The following DENND4C variants were observed in gnomAD, a reference collection of about 807,000 sequenced individuals.
DENND4C encodes DENN domain-containing protein 4C.
A neutral mutation model predicts 203.0 loss-of-function variants in DENND4C; 108 were observed. The ratio of observed to expected loss-of-function variants is 0.53; its 90% CI spans 0.46 to 0.62. The LOEUF (loss-of-function observed/expected upper bound fraction) is 0.62. Among genes scored for constraint, DENND4C ranks in the 20% least tolerant of loss-of-function variants. The pLI is 0.00. For missense variants in DENND4C, 2,481 were observed against 2,301.2 expected, an observed-to-expected ratio of 1.08 and a Z score of -1.60; for synonymous variants, 871 against 792.4, an observed-to-expected ratio of 1.10 and a Z score of -1.67.
In DENND4C at chr9:19,357,174, C is replaced by G; in HGVS notation, c.4964+20C>G. 1 of 1,612,636 alleles carries G rather than the reference C, an allele frequency of 6.2e-7. No individual in the cohort carries two copies. Among genetic ancestry groups the G allele is most frequent in the South Asian group, 1.1e-5 (1 of 91,000 alleles). On this transcript the variant is annotated intron_variant, in intron 27 of 32. Transcript: ENST00000434457. ...ACCAAGGTATCAAAGGGTACAGAGA[C>G]CTCTTTATGTAGTAATAAATGGGGT...
chr9:19,250,003 CA>C (rs1263711443), intron 1 of DENND4C, among the ~76,000 whole-genome samples: 1 of 152,102 alleles, frequency 6.6e-6, no homozygotes, highest in Admixed American at 6.5e-5. Flanking sequence ...ATACTGTCTT[CA>C]AAAGTTATAT....
intron 1 of DENND4C, among the ~76,000 whole-genome samples, chr9:19,232,845 A>G (rs1046670105): frequency 2.6e-5 from 4 of 152,220 alleles, no homozygotes; most frequent in Non-Finnish European, 5.9e-5. Context: ...AAGGGATTTT[A>G]CATTATAAAT....
At chr9:19,359,255 T>C (rs1825983540) in intron 28 of DENND4C, among the ~76,000 whole-genome samples, 1 of 151,820 alleles carries the variant, frequency 6.6e-6, no homozygotes, top group South Asian at 2.1e-4. Context: ...ATTAAGTAAT[T>C]AATTTTTAGA....
intron 22 of DENND4C, among the ~76,000 whole-genome samples, chr9:19,342,981 T>C (rs551947084): frequency 3.3e-5 from 5 of 152,132 alleles, no homozygotes; most frequent in Admixed American, 6.5e-5. Context: ...GAGTATTTAG[T>C]GTGTTTGTTA....
intron 2 of DENND4C, among the ~76,000 whole-genome samples, chr9:19,281,180 T>C (rs965026533): frequency 6.6e-6 from 1 of 152,226 alleles, no homozygotes; most frequent in Non-Finnish European, 1.5e-5. Context: ...TACGTAATTA[T>C]ATGTAGGTGC....
chr9:19,235,793 G>A (rs1257409946), intron 1 of DENND4C, among the ~76,000 whole-genome samples: 1 of 151,898 alleles, frequency 6.6e-6, no homozygotes, highest in Admixed American at 6.6e-5. Context: ...CGTATTTTTA[G>A]TAGAGATGGG....
chr9:19,285,738 T>C (rs1835075186), intron 2 of DENND4C, among the ~76,000 whole-genome samples: 1 of 152,106 alleles, frequency 6.6e-6, no homozygotes, highest in Admixed American at 6.6e-5. Flanking sequence ...TTTTGATGAG[T>C]AGTATAAGGA....
intron 1 of DENND4C, among the ~76,000 whole-genome samples, chr9:19,234,356 G>C (rs1045689945): frequency 2.0e-5 from 3 of 151,234 alleles, no homozygotes; most frequent in Non-Finnish European, 2.9e-5. Context: ...TCACCCTCCC[G>C]AGTAGCTGGG....
rs774444307 is a variant in DENND4C at position 19,356,956 on chromosome 9, C to T, written c.4782-16C>T. On this transcript the variant is annotated splice_polypyrimidine_tract_variant and intron_variant, in intron 26 of 32. Coordinates refer to ENST00000434457, the MANE Select transcript of DENND4C (RefSeq NM_001330640.2). ...GGATTTTTAAAGGCTCTTTTTCCCC[C>T]CTTTTCCTTATGTAGCTTTTTCCTG... 6 of 1,610,032 alleles carry T rather than the reference C, an allele frequency of 3.7e-6. No individual in the cohort carries two copies. The highest frequency in any genetic ancestry group is 2.2e-5 in the South Asian group (2 of 90,030).
intron 1 of DENND4C, among the ~76,000 whole-genome samples, chr9:19,239,079 TTTC>T (rs1329895618): frequency 2.0e-5 from 3 of 152,158 alleles, no homozygotes; most frequent in Non-Finnish European, 2.9e-5. Context: ...ATATTTATTG[TTTC>T]TTGTTTATTT....
intron 2 of DENND4C, among the ~76,000 whole-genome samples, chr9:19,282,349 G>A (rs1398886989): frequency 6.6e-6 from 1 of 150,846 alleles, no homozygotes; most frequent in Non-Finnish European, 1.5e-5. Context: ...TCCACCTCCT[G>A]GGCTCAGGCG....
chr9:19,310,520 C>G (rs934654720), intron 10 of DENND4C, among the ~76,000 whole-genome samples: 1 of 152,214 alleles, frequency 6.6e-6, no homozygotes, highest in Admixed American at 6.5e-5. Flanking sequence ...CTGTATGGTC[C>G]TTAAAGCCTA....
At chr9:19,256,520 G>A (rs1828010753) in intron 1 of DENND4C, among the ~76,000 whole-genome samples, 1 of 151,562 alleles carries the variant, frequency 6.6e-6, no homozygotes, top group Non-Finnish European at 1.5e-5. Context: ...TCTCTGTGTT[G>A]GTTAGGCTGG....
intron 1 of DENND4C, among the ~76,000 whole-genome samples, chr9:19,258,558 T>C (rs909186349): frequency 6.6e-6 from 1 of 152,114 alleles, no homozygotes; most frequent in Non-Finnish European, 1.5e-5. Flanking sequence ...ATCAATGTAA[T>C]TTACCATATT....
intron 26 of DENND4C, among the ~76,000 whole-genome samples, chr9:19,354,594 G>C (rs1290096538): frequency 2.5e-5 from 3 of 117,742 alleles, no homozygotes; most frequent in Non-Finnish European, 4.8e-5. Flanking sequence ...CACTCTTGTC[G>C]CCCAGGCTGG....
At chr9:19,350,663 A>G in intron 23 of DENND4C, 39 bp from the exon 24 acceptor site, 1 of 1,557,940 alleles carries the variant, frequency 6.4e-7, no homozygotes. Context: ...TGGAGAAGGT[A>G]TTATTTATGT....
At chr9:19,339,310 G>A (rs1042740340) in intron 20 of DENND4C, among the ~76,000 whole-genome samples, 1 of 152,162 alleles carries the variant, frequency 6.6e-6, no homozygotes, top group Non-Finnish European at 1.5e-5. Context: ...TTATCCCAGT[G>A]TTCCTTGTGG....
chr9:19,231,465 C>G (rs960884851), intron 1 of DENND4C, among the ~76,000 whole-genome samples: 2 of 151,956 alleles, frequency 1.3e-5, no homozygotes, highest in Non-Finnish European at 2.9e-5. Context: ...TGACTAAACA[C>G]AAAACCAAGG....
At position 19,316,311 on chromosome 9, in the gene DENND4C, T is replaced by TA; in HGVS notation, c.1488-101dup. On this transcript the variant is annotated intron_variant, in intron 10 of 32. Coordinates refer to ENST00000434457, the MANE Select transcript of DENND4C (RefSeq NM_001330640.2). ...TTGTTTGCATCAGTTAAGACTGTAG[T>TA]AAAAACATCTTTTCCATTTTCTTGT... is the stretch of plus-strand genomic sequence containing the variant. 1.8e-5 allele frequency: 15 copies of TA among 829,584 alleles called. No homozygotes were observed. The South Asian group carries it at 2.6e-4, about 15-fold the overall frequency. 51.4% of individuals were successfully genotyped at this position (829,584 alleles called of 1,614,324 possible).
Sources: allele counts gnomAD v4.1 joint callset (sites outside exome capture counted in the v4.1 genomes callset), GRCh38; gene constraint gnomAD v4.1.1; transcripts MANE v1.5; gene names NCBI Gene and HGNC (gene_info 2026-07-23, HGNC 2026-07-21).